Variants in BRD9 observed in about 807,000 individuals in gnomAD.
BRD9 encodes bromodomain containing 9, also known as bromodomain-containing protein 9.
A neutral mutation model predicts 68.7 loss-of-function variants in BRD9; 47 were observed. That is an observed-to-expected ratio of 0.68 (90% CI 0.54 to 0.87). The LOEUF is 0.87. BRD9 is among the 40% of genes least tolerant of loss of function. The probability of loss-of-function intolerance (pLI) is 0.00; values close to 1 mark genes in which losing one functional copy is unlikely to be tolerated. For missense variants in BRD9, 670 were observed against 748.4 expected, an observed-to-expected ratio of 0.90 and a Z score of 1.22; for synonymous variants, 313 against 293.9, an observed-to-expected ratio of 1.06 and a Z score of -0.67.
chr5:887,516 G>A (rs1273133931), intron 5 of BRD9, 45 bp from the exon 6 acceptor site: 1 of 1,449,166 alleles, frequency 6.9e-7, no homozygotes, highest in Non-Finnish European at 9.7e-7. Context: ...AAATGCCACA[G>A]ACAACAGCAA....
chr5:883,734 A>T, intron 8 of BRD9: 2 of 669,432 alleles, frequency 3.0e-6, no homozygotes, highest in Non-Finnish European at 2.5e-6. Context: ...ATGAAACACC[A>T]GCGGCAGCCC....
chr5:872,911 T>A (rs1170810211), intron 12 of BRD9, among the ~76,000 whole-genome samples: 1 of 152,066 alleles, frequency 6.6e-6, no homozygotes, highest in Non-Finnish European at 1.5e-5. Context: ...AAAGACAACA[T>A]CCTACCACTC....
At chr5:869,581 T>C (rs1489395248) in intron 14 of BRD9, among the ~76,000 whole-genome samples, 1 of 152,224 alleles carries the variant, frequency 6.6e-6, no homozygotes, top group Admixed American at 6.5e-5. Flanking sequence ...TCATGAGTGA[T>C]GTTTGCCATC....
chr5:889,196 A>C, intron 4 of BRD9, 31 bp from the exon 5 acceptor site: 3 of 1,594,214 alleles, frequency 1.9e-6, no homozygotes, highest in Non-Finnish European at 2.6e-6. Flanking sequence ...AAGCGGAAAA[A>C]TCTAGATTTC....
At chr5:888,232 C>G (rs1437320325) in intron 5 of BRD9, 2 of 152,474 alleles carry the variant, frequency 1.3e-5, no homozygotes, top group Admixed American at 6.5e-5. Flanking sequence ...CTCCCCTTCT[C>G]ACTTTGTTGC....
At chr5:883,680 C>T (rs1752129781) in intron 8 of BRD9, 2 of 555,916 alleles carry the variant, frequency 3.6e-6, no homozygotes, top group South Asian at 2.1e-5. Flanking sequence ...AGCAGGGCCT[C>T]CATCAAGGAA....
chr5:883,625 A>G (rs1269706834), intron 8 of BRD9: 2 of 453,064 alleles, frequency 4.4e-6, no homozygotes, highest in Admixed American at 3.5e-5. Context: ...CCAGTGACAG[A>G]GACACAGAAG....
Position 874,038 on chromosome 5 carries a change from G to C in BRD9, c.1383+2063C>G, listed in dbSNP as rs1203814200. ...GCCAAAATGATCATCAGTATTCTCTGAAAGAGAGAAAGAACCCAGATCAGC... is the reference window on the plus strand; with the variant it reads ...GCCAAAATGATCATCAGTATTCTCTCAAAGAGAGAAAGAACCCAGATCAGC... On this transcript the variant is annotated intron_variant, in intron 12 of 15. Transcript: ENST00000467963. Among the ~76,000 whole-genome samples, 3 of 152,224 alleles carry C rather than the reference G, an allele frequency of 2.0e-5. 1 individual carries two copies. Among genetic ancestry groups the C allele is most frequent in the Admixed American group, 2.0e-4 (3 of 15,282 alleles).
At chr5:874,047 A>C (rs58567524) in intron 12 of BRD9, among the ~76,000 whole-genome samples, 5,720 of 152,326 alleles carry the variant, frequency 0.038, 339 homozygotes, top group African/African-American at 0.13. Context: ...TGAAAGAGAG[A>C]AAGAACCCAG....
At chr5:892,289 G>A (rs1349597272) in intron 1 of BRD9, 7 of 513,392 alleles carry the variant, frequency 1.4e-5, no homozygotes, top group Non-Finnish European at 2.0e-5. Context: ...AAAGGCGGGA[G>A]AAAGGGCAGC....
At chr5:871,261 C>A (rs1750088577) in intron 13 of BRD9, among the ~76,000 whole-genome samples, 1 of 152,254 alleles carries the variant, frequency 6.6e-6, no homozygotes, top group East Asian at 1.9e-4. Context: ...CCAACCCTTG[C>A]AAGGGTGTCC....
At chr5:891,523 A>G (rs1753396323) in intron 2 of BRD9, 117 bp downstream of exon 2, 1 of 1,446,566 alleles carries the variant, frequency 6.9e-7, no homozygotes, top group Non-Finnish European at 9.1e-7. Context: ...TTTGCTACCA[A>G]CGGAACACCC....
At chr5:881,606 G>A in intron 8 of BRD9, 1 of 244,554 alleles carries the variant, frequency 4.1e-6, no homozygotes, top group Non-Finnish European at 8.0e-6. Context: ...CAGGCCATCA[G>A]GAGGATCCAG....
At chr5:891,110 G>T in intron 3 of BRD9, 45 bp downstream of exon 3, 1 of 1,504,398 alleles carries the variant, frequency 6.6e-7, no homozygotes, top group Non-Finnish European at 8.9e-7. Flanking sequence ...CATTTACAAC[G>T]ATGAGCTGTG....
At chr5:880,454 C>T (rs1162349208) in intron 9 of BRD9, among the ~76,000 whole-genome samples, 1 of 151,482 alleles carries the variant, frequency 6.6e-6, no homozygotes, top group African/African-American at 2.4e-5. Flanking sequence ...CTGGAGAAAA[C>T]CACGCTGGCA....
chr5:875,248 AC>A (rs1750732984), intron 12 of BRD9, among the ~76,000 whole-genome samples: 1 of 152,172 alleles, frequency 6.6e-6, no homozygotes, highest in South Asian at 2.1e-4. Context: ...GATGTAAAAG[AC>A]ATTCCTGGCT....
Position 863,826 on chromosome 5 carries a change from A to C in BRD9, c.*642T>G, listed in dbSNP as rs1309151827. 2 of 152,268 alleles carry C rather than the reference A, an allele frequency of 1.3e-5. No homozygotes were observed. The highest frequency in any genetic ancestry group is 4.8e-5 in the African/African-American group (2 of 41,428). 9.4% of individuals were successfully genotyped at this position (152,268 alleles called of 1,614,324 possible). Reference sequence around the variant, plus strand: ...ACTCCTTTCCCAGGCTCATCAATTAAACAGAAAACAGGGGAGCTCTCCTCA... The same window carrying C: ...ACTCCTTTCCCAGGCTCATCAATTACACAGAAAACAGGGGAGCTCTCCTCA... On this transcript the variant is annotated 3_prime_UTR_variant, in exon 16 of 16. Coordinates refer to ENST00000467963, the MANE Select transcript of BRD9 (RefSeq NM_023924.5).
intron 11 of BRD9, among the ~76,000 whole-genome samples, chr5:877,701 A>G (rs73733927): frequency 0.038 from 5,720 of 152,248 alleles, 339 homozygotes; most frequent in African/African-American, 0.13. Flanking sequence ...CCTGAATTGT[A>G]TCTCCCGCTC....
At chr5:891,061 TGC>T in intron 3 of BRD9, 92 bp downstream of exon 3, 1 of 1,420,782 alleles carries the variant, frequency 7.0e-7, no homozygotes, top group South Asian at 1.5e-5. Context: ...CTCCCTCCCA[TGC>T]TTCTCCCCAA....
Sources: allele counts gnomAD v4.1 joint callset (sites outside exome capture counted in the v4.1 genomes callset), GRCh38; gene constraint gnomAD v4.1.1; transcripts MANE v1.5; gene names NCBI Gene and HGNC (gene_info 2026-07-23, HGNC 2026-07-21).